The following PRKCQ variants were observed in gnomAD, a reference collection of about 807,000 sequenced individuals.
PRKCQ encodes the protein protein kinase C theta type.
A neutral mutation model predicts 91.2 loss-of-function variants in PRKCQ; 41 were observed. That is an observed-to-expected ratio of 0.45 (90% CI 0.35 to 0.58). The LOEUF is 0.58. PRKCQ is among the 20% of genes least tolerant of loss of function. The pLI is 0.00. For missense variants in PRKCQ, 673 were observed against 896.5 expected, an observed-to-expected ratio of 0.75 and a Z score of 3.18; for synonymous variants, 307 against 316.9, an observed-to-expected ratio of 0.97 and a Z score of 0.33.
At chr10:6,444,504 C>A (rs999568844) in intron 15 of PRKCQ, among the ~76,000 whole-genome samples, 1 of 151,952 alleles carries the variant, frequency 6.6e-6, no homozygotes, top group Non-Finnish European at 1.5e-5. Context: ...GAAAAAAAAT[C>A]TTCGTTAATT....
intron 1 of PRKCQ, among the ~76,000 whole-genome samples, chr10:6,575,762 C>T (rs1841205885): frequency 6.6e-6 from 1 of 152,144 alleles, no homozygotes; most frequent in East Asian, 1.9e-4. Flanking sequence ...TTAAAAAAGC[C>T]CAGGTGCGGT....
chr10:6,456,407 C>T (rs1835007868), intron 15 of PRKCQ, among the ~76,000 whole-genome samples: 1 of 152,116 alleles, frequency 6.6e-6, no homozygotes, highest in East Asian at 1.9e-4. Context: ...TCTGGTAGGT[C>T]TGAGCAGAGT....
intron 1 of PRKCQ, among the ~76,000 whole-genome samples, chr10:6,521,143 C>T (rs1457364694): frequency 6.6e-6 from 1 of 152,202 alleles, no homozygotes; most frequent in East Asian, 1.9e-4. Context: ...TCACGTCTGT[C>T]TTCCTCAACA....
intron 8 of PRKCQ, among the ~76,000 whole-genome samples, chr10:6,488,034 T>C (rs1295023538): frequency 1.3e-5 from 2 of 149,282 alleles, no homozygotes; most frequent in South Asian, 2.1e-4. Flanking sequence ...AACATCACCA[T>C]TAAAATACAG....
At chr10:6,548,631 G>A (rs2130929789) in intron 1 of PRKCQ, among the ~76,000 whole-genome samples, 1 of 146,504 alleles carries the variant, frequency 6.8e-6, no homozygotes, top group South Asian at 2.2e-4. Context: ...ACTATGGCAA[G>A]AACAAAAAAC....
intron 15 of PRKCQ, among the ~76,000 whole-genome samples, chr10:6,453,835 A>G (rs1038721177): frequency 6.7e-6 from 1 of 149,746 alleles, no homozygotes; most frequent in Admixed American, 6.7e-5. Flanking sequence ...AAAACCAAAC[A>G]CCGCATGTTC....
intron 1 of PRKCQ, among the ~76,000 whole-genome samples, chr10:6,579,377 A>G (rs1841363960): frequency 2.0e-5 from 3 of 152,120 alleles, no homozygotes; most frequent in Non-Finnish European, 2.9e-5. Context: ...CAGGGGCAGG[A>G]CAGCCCAGGG....
the PRKCQ span, among the ~76,000 whole-genome samples, chr10:6,409,477 T>A: frequency 6.6e-6 from 1 of 152,032 alleles, no homozygotes; most frequent in Admixed American, 6.6e-5. Context: ...GTATTTTTAG[T>A]AGAGATGGGG....
intron 1 of PRKCQ, among the ~76,000 whole-genome samples, chr10:6,528,209 G>A (rs572384331): frequency 6.6e-6 from 1 of 152,146 alleles, no homozygotes; most frequent in African/African-American, 2.4e-5. Context: ...TCCCGGGTGT[G>A]TCCTCAAACT....
intron 14 of PRKCQ, among the ~76,000 whole-genome samples, chr10:6,461,467 C>T (rs1274142081): frequency 6.6e-6 from 1 of 152,168 alleles, no homozygotes; most frequent in Non-Finnish European, 1.5e-5. Flanking sequence ...AAAACAGATT[C>T]TTAATCTATG....
chr10:6,396,428 G>T, the PRKCQ span, among the ~76,000 whole-genome samples: 1 of 152,312 alleles, frequency 6.6e-6, no homozygotes, highest in African/African-American at 2.4e-5. Context: ...ACCCATAGAG[G>T]TCACTCCCCA....
At chr10:6,445,203 C>CT (rs1834212704) in intron 15 of PRKCQ, among the ~76,000 whole-genome samples, 1 of 150,216 alleles carries the variant, frequency 6.7e-6, no homozygotes, top group African/African-American at 2.5e-5. Context: ...TGTCGGTGAG[C>CT]TTTTTTAGAT....
chr10:6,430,870 C>A lies in PRKCQ; in HGVS notation c.1905G>T (p.Arg635=). 1 of 1,614,174 alleles carries A rather than the reference C, an allele frequency of 6.2e-7. No homozygotes were observed. The highest frequency in any genetic ancestry group is 1.1e-5 in the South Asian group (1 of 91,082). ...RGDIRQHPLF[R]EINWEELERK... is the part of the protein sequence containing the mutation. The stretch of plus-strand genomic sequence containing the variant: ...GTTCAAGTTCCTCCCAGTTGATCTC[C>A]CGAAACAAAGGGTGCTGGCGGATGT... Residue 635 remains arginine, a synonymous_variant, in exon 17 of 18, where the codon CGG becomes CGT. Transcript: ENST00000263125. The surrounding 1 kb of genome is among the most constrained non-coding windows in gnomAD (Gnocchi z 4.7).
chr10:6,511,819 T>A (rs1285266493), intron 2 of PRKCQ, among the ~76,000 whole-genome samples: 3 of 152,200 alleles, frequency 2.0e-5, no homozygotes, highest in African/African-American at 4.8e-5. Context: ...ATAAAACAAA[T>A]GTAAATTCCA....
chr10:6,552,320 A>G (rs957082367), intron 1 of PRKCQ, among the ~76,000 whole-genome samples: 1 of 152,218 alleles, frequency 6.6e-6, no homozygotes, highest in African/African-American at 2.4e-5. Flanking sequence ...ATGTTTTACT[A>G]GTTATAAAAC....
rs1395281708 is a variant in PRKCQ at position 6,553,501 on chromosome 10, A to ATAAAT, written c.-10+26709_-10+26710insATTTA. Among the ~76,000 whole-genome samples the ATAAAT allele has an allele frequency of 3.2e-3, 300 of 92,628 alleles. 5 individuals carry two copies. The East Asian group carries it at 0.059, about 18-fold the overall frequency. The allele number at this position is 92,628 out of a possible 152,430, so 60.8% of individuals were successfully genotyped here. ...CAAGACCCTGTCTCAAAAAAAAAAA[A>ATAAAT]AAAAAAAAAAAAAAAACAAACAAAC... On this transcript the variant is annotated intron_variant, in intron 1 of 17. Transcript: ENST00000263125.
At chr10:6,543,335 A>C (rs1839837365) in intron 1 of PRKCQ, among the ~76,000 whole-genome samples, 1 of 152,256 alleles carries the variant, frequency 6.6e-6, no homozygotes, top group Admixed American at 6.5e-5. Flanking sequence ...CTTAGCTTTC[A>C]GCTGAGCGCA....
intron 8 of PRKCQ, chr10:6,489,406 C>T (rs773522696): frequency 7.3e-5 from 39 of 530,928 alleles, no homozygotes; most frequent in Admixed American, 4.1e-4. Context: ...CCTATCAGGC[C>T]GTAACTCAGT....
At chr10:6,493,920 G>A (rs892412150) in intron 7 of PRKCQ, among the ~76,000 whole-genome samples, 19 of 152,154 alleles carry the variant, frequency 1.2e-4, no homozygotes, top group African/African-American at 4.3e-4. Context: ...CGCCTTCTCT[G>A]AACCTGCCCC....
Sources: allele counts gnomAD v4.1 joint callset (sites outside exome capture counted in the v4.1 genomes callset), GRCh38; gene constraint gnomAD v4.1.1; non-coding constraint Gnocchi (gnomAD v3.1); transcripts MANE v1.5; gene names NCBI Gene and HGNC (gene_info 2026-07-23, HGNC 2026-07-21).